The following UTRN variants were observed in gnomAD, a reference collection of about 807,000 sequenced individuals.
UTRN encodes utrophin.
In UTRN, 283 loss-of-function variants were observed where a neutral mutation model predicts 463.9. That is an observed-to-expected ratio of 0.61 (90% CI 0.55 to 0.67). The LOEUF (loss-of-function observed/expected upper bound fraction) is 0.67, where lower values mean the gene tolerates loss of function less well. UTRN is among the 30% of genes least tolerant of loss of function. The pLI is 0.00. For missense variants in UTRN, 3,922 were observed against 4,084.3 expected (o/e 0.96, Z 1.08); for synonymous variants, 1,442 against 1,431.5 (o/e 1.01, Z -0.17).
In UTRN at chr6:144,844,272, T is replaced by C. The variant is rs180928717; in HGVS notation, c.10271-2533T>C. On this transcript the variant is annotated intron_variant, in intron 73 of 74. Coordinates refer to ENST00000367545, the MANE Select transcript of UTRN (RefSeq NM_007124.3). The stretch of plus-strand genomic sequence containing the variant: ...CCAGTGCATGTGTCTTTCTCTCTCT[T>C]TTTTTTTTTTTTCTGAGACAGAGAC... Among the ~76,000 whole-genome samples the C allele has an allele frequency of 1.2e-4, 18 of 148,964 alleles. 1 individual carries two copies. The highest frequency in any genetic ancestry group is 4.2e-4 in the South Asian group (2 of 4,728).
intron 53 of UTRN, among the ~76,000 whole-genome samples, chr6:144,715,100 G>A (rs1160181328): frequency 6.6e-6 from 1 of 152,064 alleles, no homozygotes; most frequent in Non-Finnish European, 1.5e-5. Flanking sequence ...CCGTTTACAT[G>A]TCATCTCTAC....
intron 51 of UTRN, among the ~76,000 whole-genome samples, chr6:144,649,950 T>G (rs1778641468): frequency 6.6e-6 from 1 of 152,142 alleles, no homozygotes; most frequent in South Asian, 2.1e-4. Flanking sequence ...GGAGATGTAT[T>G]AGCTCATTCT....
chr6:144,851,195 A>ATATT lies in UTRN; in HGVS notation c.*199_*202dup, dbSNP rs1782459680. 3 of 646,982 alleles carry ATATT rather than the reference A, an allele frequency of 4.6e-6. No homozygotes were observed. The highest frequency in any genetic ancestry group is 8.0e-6 in the Non-Finnish European group (3 of 373,998). The allele number at this position is 646,982 out of a possible 1,614,324, so 40.1% of individuals were successfully genotyped here. A position where few individuals can be genotyped will look rare whatever the true frequency, so the allele number is the denominator to read the frequency against. The stretch of plus-strand genomic sequence containing the variant: ...GATATTTTGTTTTTATAATAACCAT[A>ATATT]TATTATTGTTTTCTTCTTCCCTTTC... On this transcript the variant is annotated 3_prime_UTR_variant, in exon 75 of 75. Transcript: ENST00000367545.
chr6:144,352,892 A>AT lies in UTRN; in HGVS notation c.80-50227dup, dbSNP rs766445777. ...TGTGTTAGGAAGACTGTCAGCATTG[A>AT]TTTTCCAGTAGTTTTCTAAATTTTC... On this transcript the variant is annotated intron_variant, in intron 2 of 74. Coordinates refer to ENST00000367545, the MANE Select transcript of UTRN (RefSeq NM_007124.3). Among the ~76,000 whole-genome samples the AT allele has an allele frequency of 2.6e-5, 4 of 151,988 alleles. No homozygotes were observed. The South Asian group carries it at 8.3e-4, about 31-fold the overall frequency.
chr6:144,493,396 A>C lies in UTRN; in HGVS notation c.4533A>C (p.Pro1511=). 3 of 1,614,088 alleles carry C rather than the reference A, an allele frequency of 1.9e-6. No individual in the cohort carries two copies. In the East Asian group the frequency reaches 6.7e-5, roughly 36 times the overall value. The change falls in exon 33 of 75, where the codon CCA becomes CCC. Residue 1511 remains proline (P), a synonymous_variant. Transcript: ENST00000367545. The stretch of plus-strand genomic sequence containing the variant: ...TCCAGAAACAGCAAACGGACAACCC[A>C]AAAGGGATGGATGAGCAGCTGACTT... ...HIVQKQQTDN[P]KGMDEQLTSL...
chr6:144,757,435 T>C lies in UTRN; in HGVS notation c.8435-494T>C, dbSNP rs573334569. Among the ~76,000 whole-genome samples the C allele has an allele frequency of 5.9e-5, 9 of 152,112 alleles. No individual in the cohort carries two copies. In the East Asian group the frequency reaches 1.7e-3, roughly 29 times the overall value. ...TTTTAAATTCCTTCTTTTTAAATGT[T>C]ATAGAATTGAATTTACTTAAATGCC... On this transcript the variant is annotated intron_variant, in intron 57 of 74. Coordinates refer to ENST00000367545, the MANE Select transcript of UTRN (RefSeq NM_007124.3).
At chr6:144,566,244 C>T (rs543130813) in intron 50 of UTRN, among the ~76,000 whole-genome samples, 1 of 152,202 alleles carries the variant, frequency 6.6e-6, no homozygotes, top group African/African-American at 2.4e-5. Flanking sequence ...GGAGGTAGGA[C>T]TAAGAGAAGT....
intron 53 of UTRN, among the ~76,000 whole-genome samples, chr6:144,707,839 G>A (rs1468774866): frequency 6.6e-6 from 1 of 152,198 alleles, no homozygotes; most frequent in Non-Finnish European, 1.5e-5. Flanking sequence ...GAGTGAATGT[G>A]TGTGTGTGGT....
chr6:144,422,097 C>T lies in UTRN; in HGVS notation c.234+127C>T, dbSNP rs149547084. On this transcript the variant is annotated intron_variant, in intron 4 of 74. Transcript: ENST00000367545. ...ACGTTCAAATGTAAAGGCTGAAATT[C>T]GGAACATTTTTAACAAAGCATTTTA... 1.9e-3 allele frequency: 1,330 copies of T among 708,768 alleles called. 17 individuals carry two copies. In the African/African-American group the frequency reaches 0.02, roughly 11 times the overall value. 43.9% of individuals were successfully genotyped at this position (708,768 alleles called of 1,614,324 possible).
At position 144,804,268 on chromosome 6, in the gene UTRN, GA is replaced by G. The variant is rs999658930; in HGVS notation, c.9357+1125del. Among the ~76,000 whole-genome samples, 10 of 152,278 alleles carry G rather than the reference GA, an allele frequency of 6.6e-5. No individual in the cohort carries two copies. The East Asian group carries it at 1.5e-3, about 23-fold the overall frequency. On this transcript the variant is annotated intron_variant, in intron 65 of 74. Coordinates refer to ENST00000367545, the MANE Select transcript of UTRN (RefSeq NM_007124.3). ...CCTGTGTATGGAGAGGAAATCTGTA[GA>G]AAATATTGCTGAATTATAATGGAGG... is the stretch of plus-strand genomic sequence containing the variant.
intron 71 of UTRN, among the ~76,000 whole-genome samples, chr6:144,837,975 T>C (rs1781244620): frequency 6.6e-6 from 1 of 152,212 alleles, no homozygotes; most frequent in Admixed American, 6.5e-5. Flanking sequence ...CCACATACAT[T>C]GAAAACGTTA....
chr6:144,447,808 G>C (rs1235364340), intron 16 of UTRN, 27 bp downstream of exon 16: 5 of 1,559,206 alleles, frequency 3.2e-6, no homozygotes, highest in African/African-American at 1.4e-5. Flanking sequence ...ATCATATGTT[G>C]TGCCATGAAG....
intron 4 of UTRN, among the ~76,000 whole-genome samples, chr6:144,422,469 T>C (rs572714878): frequency 6.6e-6 from 1 of 152,168 alleles, no homozygotes; most frequent in African/African-American, 2.4e-5. Context: ...TACAAAAAAT[T>C]AGCTGGGTGT....
At chr6:144,721,505 AG>A (rs1787169894) in intron 53 of UTRN, among the ~76,000 whole-genome samples, 1 of 152,166 alleles carries the variant, frequency 6.6e-6, no homozygotes, top group Non-Finnish European at 1.5e-5. Flanking sequence ...CACCACAGCC[AG>A]CCTCAGTTTT....
At chr6:144,810,999 A>G (rs907312199) in intron 65 of UTRN, among the ~76,000 whole-genome samples, 1 of 152,198 alleles carries the variant, frequency 6.6e-6, no homozygotes, top group Non-Finnish European at 1.5e-5. Flanking sequence ...TATGTAGGGA[A>G]ATAAACCAAA....
At chr6:144,561,676 C>A (rs925796117) in intron 50 of UTRN, among the ~76,000 whole-genome samples, 2 of 152,050 alleles carry the variant, frequency 1.3e-5, no homozygotes, top group Non-Finnish European at 2.9e-5. Flanking sequence ...TCTGTGCTAA[C>A]CTATAGGAAG....
intron 33 of UTRN, among the ~76,000 whole-genome samples, chr6:144,498,868 A>C (rs1450426541): frequency 1.3e-5 from 2 of 152,062 alleles, no homozygotes; most frequent in Non-Finnish European, 2.9e-5. Flanking sequence ...GTAGAAAATG[A>C]GGTCATGTTT....
At chr6:144,401,668 G>A (rs999714779) in intron 2 of UTRN, among the ~76,000 whole-genome samples, 11 of 151,062 alleles carry the variant, frequency 7.3e-5, no homozygotes, top group Non-Finnish European at 1.5e-4. Flanking sequence ...ATTTGTAAAA[G>A]TGCATTTTTT....
chr6:144,638,624 A>G (rs1372480928), intron 51 of UTRN, among the ~76,000 whole-genome samples: 1 of 152,190 alleles, frequency 6.6e-6, no homozygotes, highest in African/African-American at 2.4e-5. Flanking sequence ...GGTCTAGGGT[A>G]TATCTGTTTG....
Sources: allele counts gnomAD v4.1 joint callset (sites outside exome capture counted in the v4.1 genomes callset), GRCh38; gene constraint gnomAD v4.1.1; transcripts MANE v1.5; gene names NCBI Gene and HGNC (gene_info 2026-07-23, HGNC 2026-07-21).